The following KRT80 variants were observed in gnomAD, a reference collection of about 807,000 sequenced individuals.
KRT80 encodes keratin 80.
Under a neutral mutation model 51.5 loss-of-function variants are expected in KRT80, and 36 were observed. The ratio of observed to expected loss-of-function variants is 0.70; its 90% CI spans 0.54 to 0.92. KRT80 has a LOEUF of 0.92. Among genes scored for constraint, KRT80 ranks in the 40% least tolerant of loss-of-function variants. The pLI is 0.00. For missense variants in KRT80, 566 were observed against 591.7 expected, an observed-to-expected ratio of 0.96 and a Z score of 0.45; for synonymous variants, 235 against 248.3, an observed-to-expected ratio of 0.95 and a Z score of 0.50.
At chr12:52,184,687 T>C (rs1051132273) in intron 2 of KRT80, among the ~76,000 whole-genome samples, 4 of 152,204 alleles carry the variant, frequency 2.6e-5, no homozygotes, top group Non-Finnish European at 5.9e-5. Flanking sequence ...ATGATGAAGA[T>C]TAAACCTCAT....
chr12:52,187,581 A>C (rs1344860029), intron 1 of KRT80, among the ~76,000 whole-genome samples: 1 of 152,208 alleles, frequency 6.6e-6, no homozygotes, highest in Non-Finnish European at 1.5e-5. Flanking sequence ...AGACAACGCC[A>C]GCAGGAATAC....
intron 4 of KRT80, among the ~76,000 whole-genome samples, chr12:52,174,667 A>G (rs902282232): frequency 2.0e-5 from 3 of 152,258 alleles, no homozygotes; most frequent in African/African-American, 7.2e-5. Flanking sequence ...TTGTGGAGAC[A>G]GCGGTGAGTG....
rs746970595 is a variant in KRT80 at position 52,191,877 on chromosome 12, C to T, written c.26G>A (p.Gly9Asp). The T allele has an allele frequency of 3.5e-5, 53 of 1,508,222 alleles. No individual in the cohort carries two copies. Among genetic ancestry groups the T allele is most frequent in the Non-Finnish European group, 4.3e-5 (48 of 1,124,350 alleles). The allele number at this position is 1,508,222 out of a possible 1,614,324, so 93.4% of individuals were successfully genotyped here. A position where few individuals can be genotyped will look rare whatever the true frequency, so the allele number is the denominator to read the frequency against. The change falls in exon 1 of 9, where the codon GGC becomes GAC. Residue 9 changes from glycine to aspartate, a missense_variant. Transcript: ENST00000394815. MACRSCVV[G>D]FSSLSSCEVT... ...CTCACAGCTGCTGAGGCTGCTGAAG[C>T]CAACCACGCAGGAGCGGCAGGCCAT...
At position 52,171,361 on chromosome 12, in the gene KRT80, C is replaced by A; in HGVS notation, c.*37G>T. ...AGTCTAGCTTAAGTCCCTCCTGCTG[C>A]AGTGGAGTGCCCTGGGGTTCCTGGG... On this transcript the variant is annotated 3_prime_UTR_variant, in exon 9 of 9. Transcript: ENST00000394815. 1 of 1,537,082 alleles carries A rather than the reference C, an allele frequency of 6.5e-7. No homozygotes were observed. The highest frequency in any genetic ancestry group is 8.7e-7 in the Non-Finnish European group (1 of 1,143,042).
Position 52,173,169 on chromosome 12 carries a change from G to A in KRT80, c.832-6C>T. 6.2e-7 allele frequency: 1 copy of A among 1,603,798 alleles called. No homozygotes were observed. The highest frequency in any genetic ancestry group is 8.5e-7 in the Non-Finnish European group (1 of 1,175,186). On this transcript the variant is annotated splice_region_variant and splice_polypyrimidine_tract_variant and intron_variant, in intron 5 of 8. Transcript: ENST00000394815. Reference sequence around the variant, plus strand: ...CGGGCGGCCTGCTCCTCCAGCTGGAGGTACATGGAGGTCTCAGTGAGGGGC... The same window carrying A: ...CGGGCGGCCTGCTCCTCCAGCTGGAAGTACATGGAGGTCTCAGTGAGGGGC...
Position 52,171,415 on chromosome 12 carries a change from A to G in KRT80, c.1342T>C (p.Ser448Pro). The G allele has an allele frequency of 6.3e-7, 1 of 1,599,892 alleles. No homozygotes were observed. Among genetic ancestry groups the G allele is most frequent in the Non-Finnish European group, 8.5e-7 (1 of 1,173,132 alleles). Residue 448 changes from serine (S) to proline (P), a missense_variant, in exon 9 of 9, where the codon TCG becomes CCG. Physicochemically the swap from Ser to Pro is moderately conservative, Grantham distance 74. Transcript: ENST00000394815. ...CAGCCGCCTTACTCTGAGACCTCCG[A>G]CTCCTGCGAGAAGTACTTCTCTGAC... ...EMSEKYFSQE[S>P]EVSE
chr12:52,174,587 C>T (rs1056482777), intron 4 of KRT80, among the ~76,000 whole-genome samples: 7 of 152,258 alleles, frequency 4.6e-5, no homozygotes, highest in African/African-American at 9.6e-5. Context: ...GTGCGCTGAG[C>T]GTTTTCCACA....
chr12:52,182,771 G>A (rs1305020009), intron 2 of KRT80, among the ~76,000 whole-genome samples: 1 of 152,174 alleles, frequency 6.6e-6, no homozygotes, highest in Admixed American at 6.5e-5. Flanking sequence ...ACGGTATCCT[G>A]GCTAGGCCAG....
chr12:52,181,749 C>A (rs891237768), intron 2 of KRT80, among the ~76,000 whole-genome samples: 1 of 152,152 alleles, frequency 6.6e-6, no homozygotes, highest in Non-Finnish European at 1.5e-5. Flanking sequence ...GAGGACAGGA[C>A]CCCCAGATCC....
At chr12:52,187,703 A>G (rs1941426861) in intron 1 of KRT80, among the ~76,000 whole-genome samples, 1 of 152,132 alleles carries the variant, frequency 6.6e-6, no homozygotes, top group Non-Finnish European at 1.5e-5. Context: ...CTCACAGCCA[A>G]ACAGGTTCAG....
At position 52,171,911 on chromosome 12, in the gene KRT80, G is replaced by A. The variant is rs540047556; in HGVS notation, c.1179-198C>T. On this transcript the variant is annotated intron_variant, in intron 7 of 8. Transcript: ENST00000394815. ...TCTGTCCCATCTCCATGGCATAAAT[G>A]GCTAATAGCATTGAGCACTGAGTTT... Among the ~76,000 whole-genome samples, 26 of 152,202 alleles carry A rather than the reference G, an allele frequency of 1.7e-4. No homozygotes were observed. In the South Asian group the frequency reaches 5.4e-3, roughly 32 times the overall value.
In KRT80 at chr12:52,182,058, G is replaced by A. The variant is rs552464773; in HGVS notation, c.510-1095C>T. ...CAGCCCACCTGAGGAGCTGAGGGGC[G>A]TGGACCCAATGGCAGGGCACGTGGG... On this transcript the variant is annotated intron_variant, in intron 2 of 8. Transcript: ENST00000394815. Among the ~76,000 whole-genome samples the A allele has an allele frequency of 8.5e-5, 13 of 152,318 alleles. No homozygotes were observed. The East Asian group carries it at 2.5e-3, about 29-fold the overall frequency.
chr12:52,174,144 C>T (rs1356505414), intron 4 of KRT80, among the ~76,000 whole-genome samples: 4 of 152,226 alleles, frequency 2.6e-5, no homozygotes, highest in Admixed American at 1.3e-4. Flanking sequence ...GAGTTGGGCC[C>T]CTCTGTTTAC....
In KRT80 at chr12:52,172,287, C is replaced by T; in HGVS notation, c.1089G>A (p.Leu363=). 6.2e-7 allele frequency: 1 copy of T among 1,613,994 alleles called. No homozygotes were observed. The highest frequency in any genetic ancestry group is 8.5e-7 in the Non-Finnish European group (1 of 1,179,888). Residue 363 remains leucine (L), a synonymous_variant, in exon 7 of 9, where the codon CTG becomes CTA. Transcript: ENST00000394815. Reference sequence around the variant, plus strand: ...CGTTCATCAGCTCCTGGTACTTGCGCAGCTGCCGCGCCATGTCCTGCTTGG... The same window carrying T: ...CGTTCATCAGCTCCTGGTACTTGCGTAGCTGCCGCGCCATGTCCTGCTTGG... ...QQAKQDMARQ[L]RKYQELMNVK...
At chr12:52,173,217 T>C in intron 5 of KRT80, 54 bp from the exon 6 acceptor site, 1 of 1,506,416 alleles carries the variant, frequency 6.6e-7, no homozygotes, top group South Asian at 1.2e-5. Context: ...CTCCCAGCAC[T>C]TGTTACCCGC....
At chr12:52,176,408 G>C (rs1941222226) in intron 4 of KRT80, among the ~76,000 whole-genome samples, 1 of 152,324 alleles carries the variant, frequency 6.6e-6, no homozygotes, top group East Asian at 1.9e-4. Context: ...ACTGTTATGG[G>C]GTAACAGTGT....
rs1376942482 is a variant in KRT80, at chr12:52,189,698, C to G, written c.300+1905G>C. Among the ~76,000 whole-genome samples, 6 of 152,304 alleles carry G rather than the reference C, an allele frequency of 3.9e-5. No homozygotes were observed. In the East Asian group the frequency reaches 7.7e-4, roughly 20 times the overall value. ...GCTGGGGCCCCTTGGGGCCCTGCAA[C>G]CAGGGCCCCCAAACGGCCAGTACCC... On this transcript the variant is annotated intron_variant, in intron 1 of 8. Coordinates refer to ENST00000394815, the MANE Select transcript of KRT80 (RefSeq NM_182507.3).
intron 1 of KRT80, 97 bp downstream of exon 1, chr12:52,191,506 G>T: frequency 2.4e-6 from 3 of 1,227,918 alleles, no homozygotes; most frequent in Non-Finnish European, 3.4e-6. Flanking sequence ...GGGTGCAGGG[G>T]TGGGGCGCGG....
At position 52,172,286 on chromosome 12, in the gene KRT80, G is replaced by T. The variant is rs61749462; in HGVS notation, c.1090C>A (p.Arg364Ser). ...QAKQDMARQL[R>S]KYQELMNVKL... ...ACGTTCATCAGCTCCTGGTACTTGC[G>T]CAGCTGCCGCGCCATGTCCTGCTTG... The change falls in exon 7 of 9, where the codon CGC becomes AGC. Residue 364 changes from arginine to serine, a missense_variant. Physicochemically the swap from Arg to Ser is moderately radical, Grantham distance 110. Coordinates refer to ENST00000394815, the MANE Select transcript of KRT80 (RefSeq NM_182507.3). 1,284 of 1,613,944 alleles carry T rather than the reference G, an allele frequency of 8.0e-4. 13 individuals are homozygous for T. In the African/African-American group the frequency reaches 0.016, roughly 20 times the overall value.
Sources: allele counts gnomAD v4.1 joint callset (sites outside exome capture counted in the v4.1 genomes callset), GRCh38; gene constraint gnomAD v4.1.1; transcripts MANE v1.5; gene names NCBI Gene and HGNC (gene_info 2026-07-23, HGNC 2026-07-21).